B3GALT1: variants seen among roughly 807,000 people sequenced by gnomAD.
B3GALT1 encodes the protein beta-1,3-galactosyltransferase 1, also known as UDP-Gal:betaGlcNAc beta 1,3-galactosyltransferase, polypeptide 1.
Under a neutral mutation model 23.2 loss-of-function variants are expected in B3GALT1, and 10 were observed. The ratio of observed to expected loss-of-function variants is 0.43; its 90% CI spans 0.27 to 0.73. The LOEUF is 0.73. Ranked by LOEUF, B3GALT1 falls within the 30% of genes least tolerant of loss-of-function variation. B3GALT1 has a pLI of 0.21. For synonymous variants in B3GALT1, 156 were observed against 141.5 expected, an observed-to-expected ratio of 1.10 and a Z score of -0.73; for missense variants, 299 against 405.4, an observed-to-expected ratio of 0.74 and a Z score of 2.25.
At chr2:167,865,652 C>T (rs964470677) in intron 4 of B3GALT1, among the ~76,000 whole-genome samples, 7 of 151,890 alleles carry the variant, frequency 4.6e-5, no homozygotes, top group African/African-American at 1.2e-4. Flanking sequence ...ATTAGCCAGG[C>T]GTGGTGGCGG....
At chr2:167,580,347 A>G (rs1283868047) in intron 2 of B3GALT1, among the ~76,000 whole-genome samples, 2 of 151,954 alleles carry the variant, frequency 1.3e-5, no homozygotes, top group African/African-American at 2.4e-5. Context: ...CTCCCCTCCA[A>G]CCCCTCCGAC....
At chr2:167,803,972 A>G (rs1315125797) in intron 3 of B3GALT1, among the ~76,000 whole-genome samples, 1 of 152,162 alleles carries the variant, frequency 6.6e-6, no homozygotes, top group Non-Finnish European at 1.5e-5. Flanking sequence ...CGAAGTATAC[A>G]CATATTTGCC....
At chr2:167,396,341 T>G (rs1001897032) in intron 1 of B3GALT1, among the ~76,000 whole-genome samples, 16 of 152,090 alleles carry the variant, frequency 1.1e-4, no homozygotes, top group Admixed American at 8.5e-4. Context: ...CACTTCCTGT[T>G]TTGCTGTCCT....
At chr2:167,567,523 A>G (rs556625778) in intron 2 of B3GALT1, among the ~76,000 whole-genome samples, 1 of 152,308 alleles carries the variant, frequency 6.6e-6, no homozygotes, top group Non-Finnish European at 1.5e-5. Context: ...TACTGTCACT[A>G]TGCCTGTTTT....
intron 2 of B3GALT1, among the ~76,000 whole-genome samples, chr2:167,587,143 C>T: frequency 6.6e-6 from 1 of 152,250 alleles, no homozygotes; most frequent in African/African-American, 2.4e-5. Context: ...TTTGTTATCA[C>T]TTAATTGATC....
intron 3 of B3GALT1, among the ~76,000 whole-genome samples, chr2:167,701,999 TAAAAG>T (rs1686888474): frequency 6.6e-6 from 1 of 152,204 alleles, no homozygotes; most frequent in African/African-American, 2.4e-5. Context: ...GTTTGAGTTT[TAAAAG>T]AGTTGAGACT....
chr2:167,546,884 T>C (rs979588586), intron 2 of B3GALT1, among the ~76,000 whole-genome samples: 7 of 152,028 alleles, frequency 4.6e-5, no homozygotes, highest in African/African-American at 1.7e-4. Context: ...TTCACCAGAG[T>C]GTTTCTGCAT....
rs370862218 is a variant in B3GALT1, at chr2:167,455,606, A to G, written c.-510-34571A>G. 6.6e-5 allele frequency among the ~76,000 whole-genome samples: 10 copies of G among 152,072 alleles called. No homozygotes were observed. The East Asian group carries it at 7.7e-4, about 12-fold the overall frequency. ...TCGGCTCACTGCAATCTATGCCTCCAGGTTCAAGAGATTCTCCTGCCTCAG... is the reference window on the plus strand; with the variant it reads ...TCGGCTCACTGCAATCTATGCCTCCGGGTTCAAGAGATTCTCCTGCCTCAG... On this transcript the variant is annotated intron_variant, in intron 1 of 4. Coordinates refer to ENST00000392690, the MANE Select transcript of B3GALT1 (RefSeq NM_020981.4).
chr2:167,714,279 A>T, intron 3 of B3GALT1: 1 of 1,500,014 alleles, frequency 6.7e-7, no homozygotes, highest in South Asian at 1.1e-5. Context: ...TCCCATGGAG[A>T]TGAGAGGGAC....
chr2:167,512,263 A>G (rs73024058), intron 2 of B3GALT1, among the ~76,000 whole-genome samples: 7,124 of 151,820 alleles, frequency 0.047, 556 homozygotes, highest in African/African-American at 0.16. Flanking sequence ...TTTATCAGTT[A>G]TAGCATATCT....
intron 1 of B3GALT1, among the ~76,000 whole-genome samples, chr2:167,346,099 A>G (rs1334423383): frequency 6.6e-6 from 1 of 151,628 alleles, no homozygotes; most frequent in African/African-American, 2.4e-5. Flanking sequence ...GTAGTTATAT[A>G]TTTTAAATAA....
At position 167,865,129 on chromosome 2, in the gene B3GALT1, T is replaced by A. The variant is rs1035905853; in HGVS notation, c.-229-3682T>A. Among the ~76,000 whole-genome samples, 3 of 152,054 alleles carry A rather than the reference T, an allele frequency of 2.0e-5. No individual in the cohort carries two copies. In the East Asian group the frequency reaches 5.8e-4, roughly 29 times the overall value. On this transcript the variant is annotated intron_variant, in intron 4 of 4. Coordinates refer to ENST00000392690, the MANE Select transcript of B3GALT1 (RefSeq NM_020981.4). ...GTATCAGATAAAACAAACTCTCAGCTGGGCAAGGTGGCTCACAGCCTGTAA... is the reference window on the plus strand; with the variant it reads ...GTATCAGATAAAACAAACTCTCAGCAGGGCAAGGTGGCTCACAGCCTGTAA...
chr2:167,361,539 TTGCA>T (rs1697500117), intron 1 of B3GALT1, among the ~76,000 whole-genome samples: 1 of 152,170 alleles, frequency 6.6e-6, no homozygotes, highest in East Asian at 1.9e-4. Flanking sequence ...GTACTGGCAA[TTGCA>T]TTGCTTCCAT....
At chr2:167,631,874 G>A (rs1368238576) in intron 2 of B3GALT1, among the ~76,000 whole-genome samples, 2 of 148,314 alleles carry the variant, frequency 1.3e-5, no homozygotes, top group Admixed American at 6.8e-5. Context: ...AGGTATACCC[G>A]TACCATGCTG....
intron 2 of B3GALT1, among the ~76,000 whole-genome samples, chr2:167,571,942 T>C (rs972979844): frequency 3.3e-5 from 5 of 151,840 alleles, no homozygotes; most frequent in Admixed American, 2.0e-4. Context: ...GAGTATAAAT[T>C]ATACAACTTT....
At chr2:167,633,876 G>A (rs1147144) in intron 2 of B3GALT1, among the ~76,000 whole-genome samples, 30,529 of 151,946 alleles carry the variant, frequency 0.2, 3,289 homozygotes, top group Middle Eastern at 0.27. Flanking sequence ...CTCCACCTCA[G>A]ATGAACAGAA....
intron 1 of B3GALT1, among the ~76,000 whole-genome samples, chr2:167,425,410 C>T (rs1264415303): frequency 1.3e-5 from 2 of 152,062 alleles, no homozygotes; most frequent in African/African-American, 4.8e-5. Flanking sequence ...AAGAATGAAT[C>T]CCAGCAAGGG....
At chr2:167,734,280 C>T (rs1343855420) in intron 3 of B3GALT1, among the ~76,000 whole-genome samples, 1 of 152,116 alleles carries the variant, frequency 6.6e-6, no homozygotes, top group Non-Finnish European at 1.5e-5. Context: ...TCACTATTCA[C>T]CCAAGCCAGG....
In B3GALT1 at chr2:167,704,007, C is replaced by T. The variant is rs557878450; in HGVS notation, c.-352+57041C>T. ...CCTTCCTGGCTAACACGGTGAAACC[C>T]CGTCTCTACTAAAAATACAAAAAAT... is the stretch of plus-strand genomic sequence containing the variant. On this transcript the variant is annotated intron_variant, in intron 3 of 4. Transcript: ENST00000392690. 3.3e-3 allele frequency among the ~76,000 whole-genome samples: 501 copies of T among 151,942 alleles called. 5 individuals carry two copies. Among genetic ancestry groups the T allele is most frequent in the Non-Finnish European group, 5.9e-3 (403 of 67,952 alleles).
Sources: gnomAD v4.1 joint callset for allele counts (sites outside exome capture counted in the v4.1 genomes callset) on GRCh38, gnomAD v4.1.1 for gene constraint, MANE v1.5 for transcripts, NCBI Gene and HGNC (gene_info 2026-07-23, HGNC 2026-07-21) for gene names.